WFDC9: variants seen among roughly 807,000 people sequenced by gnomAD.
The protein encoded by WFDC9 is protein WFDC9.
WFDC9 carries 9 observed loss-of-function variants against 9.5 expected under a neutral mutation model. That is an observed-to-expected ratio of 0.95 (90% CI 0.57 to 1.65). The LOEUF (loss-of-function observed/expected upper bound fraction) is 1.65. Among genes scored for constraint, WFDC9 ranks in the 40% most tolerant of loss-of-function variants. The pLI is 0.00. For synonymous variants in WFDC9, 33 were observed against 32.3 expected, an observed-to-expected ratio of 1.02 and a Z score of -0.07; for missense variants, 87 against 106.7, an observed-to-expected ratio of 0.82 and a Z score of 0.81.
chr20:45,611,235 C>T (rs1981853465), intron 2 of WFDC9, among the ~76,000 whole-genome samples: 1 of 151,918 alleles, frequency 6.6e-6, no homozygotes, highest in South Asian at 2.1e-4. Context: ...CAGAAACTTG[C>T]TTTAGTCCAG....
intron 3 of WFDC9, among the ~76,000 whole-genome samples, chr20:45,609,418 G>C (rs1981807246): frequency 6.6e-6 from 1 of 152,058 alleles, no homozygotes; most frequent in Non-Finnish European, 1.5e-5. Flanking sequence ...TGGTTGGGCA[G>C]TCTCGAACCC....
chr20:45,609,640 T>C (rs1981816823), intron 3 of WFDC9, among the ~76,000 whole-genome samples: 1 of 152,168 alleles, frequency 6.6e-6, no homozygotes, highest in East Asian at 1.9e-4. Flanking sequence ...AACCCAAACT[T>C]TGACCCACTA....
At chr20:45,630,851 G>A (rs1487323) in intron 1 of WFDC9, 515,256 of 1,577,492 alleles carry the variant, frequency 0.33, 85,391 homozygotes, top group South Asian at 0.41. Flanking sequence ...TTTATTTACC[G>A]TTCTATTCTC....
intron 1 of WFDC9, chr20:45,629,908 G>C (rs772310050): frequency 6.2e-7 from 1 of 1,613,410 alleles, no homozygotes; most frequent in Admixed American, 1.7e-5. Flanking sequence ...ATGCAGAGTA[G>C]GTGATGGGCT....
At chr20:45,631,159 T>A in intron 1 of WFDC9, 44 bp downstream of exon 1, 1 of 937,752 alleles carries the variant, frequency 1.1e-6, no homozygotes, top group Non-Finnish European at 1.5e-6. Flanking sequence ...TCTGAACCCC[T>A]TGTCCCTGTC....
chr20:45,609,239 T>C (rs575112683), intron 3 of WFDC9, among the ~76,000 whole-genome samples: 21 of 151,388 alleles, frequency 1.4e-4, no homozygotes, highest in Non-Finnish European at 2.8e-4. Context: ...AGTCTTGCCC[T>C]GTCGCCCAGG....
chr20:45,616,562 T>A (rs1317842535), intron 1 of WFDC9, among the ~76,000 whole-genome samples: 1 of 152,212 alleles, frequency 6.6e-6, no homozygotes, highest in African/African-American at 2.4e-5. Context: ...CCAGGAATTT[T>A]TTAATTTACT....
At chr20:45,609,491 G>A (rs578097400) in intron 3 of WFDC9, among the ~76,000 whole-genome samples, 5 of 152,104 alleles carry the variant, frequency 3.3e-5, no homozygotes, top group Middle Eastern at 3.4e-3. Context: ...GTGAGACGCC[G>A]TGCCCAGCCA....
At chr20:45,617,928 T>A (rs1982008456) in intron 1 of WFDC9, among the ~76,000 whole-genome samples, 1 of 81,196 alleles carries the variant, frequency 1.2e-5, no homozygotes, top group African/African-American at 6.1e-5. Flanking sequence ...AAGAAAATCA[T>A]AAGGAAGAAA....
At chr20:45,616,637 A>G (rs970461849) in intron 1 of WFDC9, among the ~76,000 whole-genome samples, 14 of 152,246 alleles carry the variant, frequency 9.2e-5, no homozygotes, top group African/African-American at 2.9e-4. Context: ...TGTATGTTTT[A>G]AATAATTTTG....
intron 1 of WFDC9, among the ~76,000 whole-genome samples, chr20:45,627,359 C>T (rs990960640): frequency 7.7e-5 from 11 of 143,176 alleles, no homozygotes; most frequent in African/African-American, 2.3e-4. Context: ...GAATTCCTGC[C>T]GCATCAATTT....
intron 2 of WFDC9, among the ~76,000 whole-genome samples, chr20:45,613,338 C>A (rs955331397): frequency 1.3e-5 from 2 of 152,172 alleles, no homozygotes; most frequent in African/African-American, 4.8e-5. Context: ...GATGAATCCA[C>A]CAAAATGACT....
chr20:45,624,978 C>G (rs1400825244), intron 1 of WFDC9, among the ~76,000 whole-genome samples: 1 of 152,092 alleles, frequency 6.6e-6, no homozygotes, highest in East Asian at 1.9e-4. Context: ...CTTGTATATT[C>G]TGGATATTAA....
At chr20:45,608,182 A>G in intron 4 of WFDC9, 42 bp from the exon 5 acceptor site, 1 of 1,588,438 alleles carries the variant, frequency 6.3e-7, no homozygotes, top group Non-Finnish European at 8.6e-7. Context: ...ATCCTGGGAT[A>G]AATCCATTTC....
intron 1 of WFDC9, 25 bp from the exon 2 acceptor site, chr20:45,614,746 A>G (rs1346651423): frequency 6.6e-6 from 1 of 152,188 alleles, no homozygotes; most frequent in Non-Finnish European, 1.5e-5. Flanking sequence ...GCAGAAAAAC[A>G]ATGTTCAAAG....
In WFDC9 at chr20:45,631,222, G is replaced by C; in HGVS notation, c.-172C>G. On this transcript the variant is annotated 5_prime_UTR_variant, in exon 1 of 5. The change creates a new upstream start codon in the 5' untranslated region. Coordinates refer to ENST00000326000, the MANE Select transcript of WFDC9 (RefSeq NM_147198.4). ...TCCTACCTCTTTTGCTGCCACTACA[G>C]ATGATCATTGAGAGCTCACTGTGGC... 1 of 457,964 alleles carries C rather than the reference G, an allele frequency of 2.2e-6. No individual in the cohort carries two copies. The allele number at this position is 457,964 out of a possible 1,614,324, so 28.4% of individuals were successfully genotyped here.
Position 45,608,025 on chromosome 20 carries a change from G to T in WFDC9, c.*85C>A. 2 of 1,470,084 alleles carry T rather than the reference G, an allele frequency of 1.4e-6. No individual in the cohort carries two copies. The highest frequency in any genetic ancestry group is 1.9e-6 in the Non-Finnish European group (2 of 1,054,070). The allele number at this position is 1,470,084 out of a possible 1,614,324, so 91.1% of individuals were successfully genotyped here. Reference sequence around the variant, plus strand: ...AGAAAGGTTACCAGCTAGAGCCAGTGGGTGTCCCAAGAAGGAAGTAGGCAG... The same window carrying T: ...AGAAAGGTTACCAGCTAGAGCCAGTTGGTGTCCCAAGAAGGAAGTAGGCAG... On this transcript the variant is annotated 3_prime_UTR_variant, in exon 5 of 5. Transcript: ENST00000326000.
Position 45,608,648 on chromosome 20 carries a change from C to A in WFDC9, c.239+15G>T, listed in dbSNP as rs773166466. 6.2e-7 allele frequency: 1 copy of A among 1,607,470 alleles called. No individual in the cohort carries two copies. Among genetic ancestry groups the A allele is most frequent in the Non-Finnish European group, 8.5e-7 (1 of 1,176,604 alleles). On this transcript the variant is annotated intron_variant, in intron 4 of 4. Coordinates refer to ENST00000326000, the MANE Select transcript of WFDC9 (RefSeq NM_147198.4). The stretch of plus-strand genomic sequence containing the variant: ...GCATGCCCAGGCCCTAGCCTTCCCA[C>A]CCCAACCAACTCACTCGTTGTCTAA...
rs748276459 is a variant in WFDC9, at chr20:45,610,219, A to T, written c.-38T>A. 1.3e-6 allele frequency: 2 copies of T among 1,584,376 alleles called. No homozygotes were observed. The highest frequency in any genetic ancestry group is 2.7e-5 in the African/African-American group (2 of 74,348). On this transcript the variant is annotated 5_prime_UTR_variant, in exon 3 of 5. Transcript: ENST00000326000. ...GTGTATTTGGGTTAAGTTCTGGCAG[A>T]AGGCAAGTCTTTTCCCAATACTGCT...
Sources: gnomAD v4.1 joint callset for allele counts (sites outside exome capture counted in the v4.1 genomes callset) on GRCh38, gnomAD v4.1.1 for gene constraint, MANE v1.5 for transcripts, NCBI Gene and HGNC (gene_info 2026-07-23, HGNC 2026-07-21) for gene names.